DNAH11: variants seen among roughly 807,000 people sequenced by gnomAD.
The protein encoded by DNAH11 is axonemal beta dynein heavy chain 11.
DNAH11 carries 442 observed loss-of-function variants against 526.0 expected under a neutral mutation model. The ratio of observed to expected loss-of-function variants is 0.84; its 90% CI spans 0.78 to 0.91. DNAH11 has a LOEUF of 0.91. DNAH11 is among the 40% of genes least tolerant of loss of function. DNAH11 has a pLI of 0.00. For missense variants in DNAH11, 6,989 were observed against 5,448.7 expected, an observed-to-expected ratio of 1.28 and a Z score of -8.90; for synonymous variants, 2,461 against 1,935.9, an observed-to-expected ratio of 1.27 and a Z score of -7.12.
chr7:21,676,832 A>C (rs750401350), intron 30 of DNAH11, among the ~76,000 whole-genome samples: 2 of 152,238 alleles, frequency 1.3e-5, no homozygotes, highest in Non-Finnish European at 2.9e-5. Flanking sequence ...ATCTTGACCC[A>C]GATGAGAAAA....
intron 65 of DNAH11, among the ~76,000 whole-genome samples, chr7:21,831,976 G>A (rs1048314343): frequency 2.0e-5 from 3 of 151,998 alleles, no homozygotes; most frequent in African/African-American, 7.3e-5. Context: ...TGTAGTCCCA[G>A]CTACTCGGGA....
Position 21,551,749 on chromosome 7 carries a change from C to T in DNAH11, c.495+6600C>T, listed in dbSNP as rs528685586. On this transcript the variant is annotated intron_variant, in intron 2 of 81. Coordinates refer to ENST00000409508, the MANE Select transcript of DNAH11 (RefSeq NM_001277115.2). ...GGAGCTTCCCTAAGGTTTGGTCTAA[C>T]TTTTCTTTGGTATTCTATGATATCT... is the stretch of plus-strand genomic sequence containing the variant. 1.1e-4 allele frequency among the ~76,000 whole-genome samples: 16 copies of T among 152,294 alleles called. No homozygotes were observed. In the South Asian group the frequency reaches 2.7e-3, roughly 26 times the overall value.
intron 28 of DNAH11, among the ~76,000 whole-genome samples, chr7:21,643,629 T>A (rs1787221856): frequency 6.6e-6 from 1 of 152,206 alleles, no homozygotes; most frequent in South Asian, 2.1e-4. Flanking sequence ...AAAATTGATA[T>A]TTGATTCAGT....
intron 45 of DNAH11, among the ~76,000 whole-genome samples, chr7:21,729,374 A>G (rs1442575847): frequency 1.3e-5 from 2 of 152,168 alleles, no homozygotes; most frequent in Non-Finnish European, 2.9e-5. Context: ...TTCTTTATGG[A>G]GTCGTTGTCT....
At chr7:21,687,697 G>C (rs1783441157) in intron 34 of DNAH11, among the ~76,000 whole-genome samples, 170 bp downstream of exon 34, 1 of 152,068 alleles carries the variant, frequency 6.6e-6, no homozygotes, top group Non-Finnish European at 1.5e-5. Flanking sequence ...TTTTATTAGT[G>C]GTTTCTAAGT....
At chr7:21,683,994 C>G (rs2128473100) in intron 32 of DNAH11, 50 bp downstream of exon 32, 1 of 1,584,630 alleles carries the variant, frequency 6.3e-7, no homozygotes, top group African/African-American at 1.4e-5. Flanking sequence ...CCAAAAAAGT[C>G]CCCTAGTGTG....
chr7:21,834,520 A>G (rs954517026), intron 65 of DNAH11, among the ~76,000 whole-genome samples: 1 of 152,202 alleles, frequency 6.6e-6, no homozygotes, highest in African/African-American at 2.4e-5. Context: ...AATAAAAGAA[A>G]TACAAAAGAT....
intron 4 of DNAH11, 147 bp downstream of exon 4, chr7:21,559,939 T>G (rs1193614115): frequency 1.5e-6 from 1 of 664,562 alleles, no homozygotes; most frequent in Non-Finnish European, 2.4e-6. Flanking sequence ...GTGTGTGTGG[T>G]GTGCACTTTT....
intron 2 of DNAH11, among the ~76,000 whole-genome samples, chr7:21,556,258 T>C (rs1423661043): frequency 6.6e-6 from 1 of 152,188 alleles, no homozygotes; most frequent in Non-Finnish European, 1.5e-5. Flanking sequence ...TCTAGGTGCA[T>C]GAGCTGTGCG....
rs552048635 is a variant in DNAH11 at position 21,862,237 on chromosome 7, C to A, written c.11373+214C>A. Among the ~76,000 whole-genome samples the A allele has an allele frequency of 8.6e-5, 13 of 151,342 alleles. No individual in the cohort carries two copies. In the South Asian group the frequency reaches 2.5e-3, roughly 29 times the overall value. On this transcript the variant is annotated intron_variant, in intron 69 of 81. Coordinates refer to ENST00000409508, the MANE Select transcript of DNAH11 (RefSeq NM_001277115.2). ...CAGTGCTTTGGTTTGGGGAGTGGGG[C>A]CGGTGGGGTGGGTATACACATTATG...
chr7:21,842,669 C>T lies in DNAH11; in HGVS notation c.10817C>T (p.Thr3606Ile), dbSNP rs1457088401. 1.9e-6 allele frequency: 3 copies of T among 1,613,768 alleles called. No individual in the cohort carries two copies. Among genetic ancestry groups the T allele is most frequent in the East Asian group, 2.2e-5 (1 of 44,896 alleles). Residue 3606 changes from threonine (T) to isoleucine (I), a missense_variant, in exon 66 of 82, where the codon ACA becomes ATA. Coordinates refer to ENST00000409508, the MANE Select transcript of DNAH11 (RefSeq NM_001277115.2). The stretch of plus-strand genomic sequence containing the variant: ...GCTCAGACAACTCTCCTCAATTTCA[C>T]AGTCACAGAAGATGGTCTAGAAGCC... The part of the protein sequence containing the change: ...LQAQTTLLNF[T>I]VTEDGLEAQL...
chr7:21,549,441 T>C lies in DNAH11; in HGVS notation c.495+4292T>C, dbSNP rs574668288. On this transcript the variant is annotated intron_variant, in intron 2 of 81. Transcript: ENST00000409508. ...TATTTTTACCCTTTTACGGTCATTATTTGGTGAACTAAAGCGTTTATTATG... is the reference window on the plus strand; with the variant it reads ...TATTTTTACCCTTTTACGGTCATTACTTGGTGAACTAAAGCGTTTATTATG... 2.1e-4 allele frequency among the ~76,000 whole-genome samples: 32 copies of C among 152,324 alleles called. No individual in the cohort carries two copies. The East Asian group carries it at 5.8e-3, about 28-fold the overall frequency.
chr7:21,646,819 A>T (rs1334882324), intron 28 of DNAH11, among the ~76,000 whole-genome samples: 2 of 152,208 alleles, frequency 1.3e-5, no homozygotes, highest in African/African-American at 4.8e-5. Context: ...ATCCAAAAGG[A>T]TCAAACCTTT....
chr7:21,662,785 T>A (rs1782286815), intron 30 of DNAH11, among the ~76,000 whole-genome samples: 1 of 152,146 alleles, frequency 6.6e-6, no homozygotes, highest in Non-Finnish European at 1.5e-5. Flanking sequence ...TGGTAACTAC[T>A]ATTTTGCTGT....
At chr7:21,652,715 A>G (rs1358844251) in intron 28 of DNAH11, among the ~76,000 whole-genome samples, 3 of 152,170 alleles carry the variant, frequency 2.0e-5, no homozygotes, top group African/African-American at 2.4e-5. Flanking sequence ...TATTCTGCAA[A>G]GTCAGGACTA....
Position 21,866,642 on chromosome 7 carries a change from A to C in DNAH11, c.11669A>C (p.Asp3890Ala), listed in dbSNP as rs764786774. 5 of 1,613,186 alleles carry C rather than the reference A, an allele frequency of 3.1e-6. No individual in the cohort carries two copies. Among genetic ancestry groups the C allele is most frequent in the Non-Finnish European group, 4.2e-6 (5 of 1,179,506 alleles). Residue 3890 changes from aspartate (D) to alanine (A), a missense_variant, in exon 71 of 82, where the codon GAC becomes GCC. Physicochemically the swap from Asp to Ala is moderately radical, Grantham distance 126. Coordinates refer to ENST00000409508, the MANE Select transcript of DNAH11 (RefSeq NM_001277115.2). ...KLILLRAMRP[D>A]RMTYALRNFV... ...ATTCTTCTGAGAGCAATGCGCCCTG[A>C]CAGAATGACGTATGCTCTCAGGTGG...
chr7:21,771,699 G>A (rs1467178272), intron 55 of DNAH11, among the ~76,000 whole-genome samples: 1 of 151,978 alleles, frequency 6.6e-6, no homozygotes, highest in African/African-American at 2.4e-5. Flanking sequence ...ATGACTATAA[G>A]TGGTTATCAA....
At chr7:21,712,078 T>G (rs1408737697) in intron 42 of DNAH11, among the ~76,000 whole-genome samples, 1 of 152,190 alleles carries the variant, frequency 6.6e-6, no homozygotes, top group Non-Finnish European at 1.5e-5. Context: ...CATTCTACTT[T>G]CTATCTCTAT....
chr7:21,665,635 A>G (rs1057050468), intron 30 of DNAH11, among the ~76,000 whole-genome samples: 7 of 152,106 alleles, frequency 4.6e-5, no homozygotes, highest in Non-Finnish European at 7.4e-5. Flanking sequence ...TTCTCTTAAA[A>G]TCTTTTAAAA....
Sources: gnomAD v4.1 joint callset for allele counts (sites outside exome capture counted in the v4.1 genomes callset) on GRCh38, gnomAD v4.1.1 for gene constraint, MANE v1.5 for transcripts, NCBI Gene and HGNC (gene_info 2026-07-23, HGNC 2026-07-21) for gene names.